The following C19orf38 variants were observed in gnomAD, a reference collection of about 807,000 sequenced individuals.
C19orf38 encodes chromosome 19 open reading frame 38, also known as protein HIDE1.
In C19orf38, 14 loss-of-function variants were observed where a neutral mutation model predicts 26.6. The observed-to-expected ratio is 0.53, with a 90% CI of 0.35 to 0.82. The LOEUF (loss-of-function observed/expected upper bound fraction) is 0.82. Among genes scored for constraint, C19orf38 ranks in the 40% least tolerant of loss-of-function variants. The pLI is 0.01. For missense variants in C19orf38, 261 were observed against 299.5 expected (o/e 0.87, Z 0.95); for synonymous variants, 132 against 128.5 (o/e 1.03, Z -0.18).
Position 10,869,418 on chromosome 19 carries a change from T to G in C19orf38, c.*51T>G. The G allele has an allele frequency of 1.3e-6, 2 of 1,501,254 alleles. No individual in the cohort carries two copies. The highest frequency in any genetic ancestry group is 1.8e-6 in the Non-Finnish European group (2 of 1,123,656). The allele number at this position is 1,501,254 out of a possible 1,614,324, so 93.0% of individuals were successfully genotyped here. A position where few individuals can be genotyped will look rare whatever the true frequency, so the allele number is the denominator to read the frequency against. On this transcript the variant is annotated 3_prime_UTR_variant, in exon 7 of 7. Coordinates refer to ENST00000397820, the MANE Select transcript of C19orf38 (RefSeq NM_001136482.3). ...TCTCCAGGCATTCGGGGGCCTGAGG[T>G]CCCTCCAGCTACTTCTGGGGGGGCT...
chr19:10,837,438 G>A (rs371499794), intron 1 of C19orf38, among the ~76,000 whole-genome samples: 1 of 144,156 alleles, frequency 6.9e-6, no homozygotes, highest in East Asian at 2.0e-4. Context: ...TGGACAATTT[G>A]AAGTAACAGT....
chr19:10,862,068 T>G (rs939521279), intron 5 of C19orf38, among the ~76,000 whole-genome samples: 3 of 151,446 alleles, frequency 2.0e-5, no homozygotes, highest in African/African-American at 7.3e-5. Context: ...CCGGCTAATT[T>G]TTTGTATTTT....
intron 1 of C19orf38, among the ~76,000 whole-genome samples, chr19:10,849,799 C>T (rs898967659): frequency 6.6e-6 from 1 of 152,136 alleles, no homozygotes; most frequent in Non-Finnish European, 1.5e-5. Flanking sequence ...CATGGTAGCT[C>T]ACGCCTATAA....
chr19:10,867,205 C>T (rs1348908103), intron 6 of C19orf38, among the ~76,000 whole-genome samples: 1 of 152,022 alleles, frequency 6.6e-6, no homozygotes, highest in Non-Finnish European at 1.5e-5. Flanking sequence ...CTCTTCTGGA[C>T]ATCTCATGGA....
upstream of C19orf38, among the ~76,000 whole-genome samples, chr19:10,847,499 G>A (rs1274240947): frequency 2.0e-5 from 3 of 149,928 alleles, no homozygotes; most frequent in Admixed American, 6.7e-5. Flanking sequence ...TCAGCCTCCC[G>A]AGTAGCTGGG....
intron 5 of C19orf38, chr19:10,860,184 G>A (rs768853659): frequency 3.8e-6 from 2 of 524,566 alleles, no homozygotes; most frequent in Non-Finnish European, 6.9e-6. Context: ...GACAGGGTCT[G>A]TGCCTGCTAC....
intron 1 of C19orf38, among the ~76,000 whole-genome samples, chr19:10,837,979 A>G (rs2073449435): frequency 6.6e-6 from 1 of 152,070 alleles, no homozygotes; most frequent in Non-Finnish European, 1.5e-5. Flanking sequence ...TTTTGTAGAC[A>G]TGAGGTTTCC....
chr19:10,852,738 C>T (rs1386198628), intron 2 of C19orf38, among the ~76,000 whole-genome samples: 1 of 152,002 alleles, frequency 6.6e-6, no homozygotes, highest in Non-Finnish European at 1.5e-5. Flanking sequence ...GGGAGTTCAC[C>T]AGGAGGATCG....
chr19:10,837,349 T>C (rs1013152434), intron 1 of C19orf38, among the ~76,000 whole-genome samples: 21 of 152,282 alleles, frequency 1.4e-4, no homozygotes, highest in African/African-American at 2.9e-4. Flanking sequence ...ATTTGGAGAA[T>C]TTGGGGAAGT....
At chr19:10,838,539 T>G (rs1168714110) in intron 1 of C19orf38, among the ~76,000 whole-genome samples, 2 of 152,200 alleles carry the variant, frequency 1.3e-5, no homozygotes, top group African/African-American at 4.8e-5. Context: ...CCTGTACCCA[T>G]TAAGCAGTGA....
intron 2 of C19orf38, among the ~76,000 whole-genome samples, chr19:10,854,333 G>T (rs2073603567): frequency 6.6e-6 from 1 of 151,958 alleles, no homozygotes; most frequent in Non-Finnish European, 1.5e-5. Context: ...CAAAGTGCTG[G>T]GATTACAGCC....
intron 4 of C19orf38, among the ~76,000 whole-genome samples, chr19:10,859,260 GTGTGTGTGTGTGTGTGTGTA>G (rs764735603): frequency 8.3e-4 from 115 of 137,976 alleles, no homozygotes; most frequent in Non-Finnish European, 1.6e-3. Flanking sequence ...GTGTGTGTGT[GTGTGTGTGTGTGTGTGTGTA>G]TGTGTGTGTG....
intron 2 of C19orf38, 29 bp from the exon 3 acceptor site, chr19:10,856,236 G>A: frequency 6.5e-7 from 1 of 1,528,684 alleles, no homozygotes; most frequent in Non-Finnish European, 8.9e-7. Flanking sequence ...ACACTGACCT[G>A]CCCACTCTCT....
At chr19:10,852,788 C>T (rs182486744) in intron 2 of C19orf38, among the ~76,000 whole-genome samples, 11 of 152,154 alleles carry the variant, frequency 7.2e-5, no homozygotes, top group Non-Finnish European at 1.0e-4. Flanking sequence ...TCGATCTTTT[C>T]ACCTGAGTGA....
At chr19:10,868,494 G>A (rs904479457) in intron 6 of C19orf38, among the ~76,000 whole-genome samples, 1 of 152,132 alleles carries the variant, frequency 6.6e-6, no homozygotes, top group Non-Finnish European at 1.5e-5. Context: ...AGGGGAGGAG[G>A]AGATAATACT....
chr19:10,850,897 C>T (rs1474906533), intron 2 of C19orf38, among the ~76,000 whole-genome samples: 1 of 152,092 alleles, frequency 6.6e-6, no homozygotes, highest in Non-Finnish European at 1.5e-5. Context: ...AAAATTGGTG[C>T]TGTGATTCTT....
At chr19:10,842,100 G>T in intron 1 of C19orf38, 1 of 1,583,408 alleles carries the variant, frequency 6.3e-7, no homozygotes, top group Non-Finnish European at 8.7e-7. Context: ...GACTCCCGTA[G>T]GTAATGCTGC....
At chr19:10,858,422 C>G (rs957794357) in intron 4 of C19orf38, 79 bp downstream of exon 4, 1 of 1,363,914 alleles carries the variant, frequency 7.3e-7, no homozygotes, top group Non-Finnish European at 1.0e-6. Context: ...GCACTCCATG[C>G]CCCCCACAAA....
chr19:10,849,728 T>C (rs2073549663), intron 1 of C19orf38, among the ~76,000 whole-genome samples: 1 of 151,948 alleles, frequency 6.6e-6, no homozygotes, highest in Admixed American at 6.6e-5. Context: ...AAATAAAAAA[T>C]AAGAGTATAG....
Sources: gnomAD v4.1 joint callset for allele counts (sites outside exome capture counted in the v4.1 genomes callset) on GRCh38, gnomAD v4.1.1 for gene constraint, MANE v1.5 for transcripts, NCBI Gene and HGNC (gene_info 2026-07-23, HGNC 2026-07-21) for gene names.